The following RBM6 variants were observed in gnomAD, a reference collection of about 807,000 sequenced individuals.
RBM6 encodes the protein RNA binding motif protein 6, also known as RNA-binding protein 6.
RBM6 carries 23 observed loss-of-function variants against 140.4 expected under a neutral mutation model. The observed-to-expected ratio is 0.16, with a 90% CI of 0.12 to 0.23. The LOEUF (loss-of-function observed/expected upper bound fraction) is 0.23. Among genes scored for constraint, RBM6 ranks in the 10% least tolerant of loss-of-function variants. RBM6 has a pLI of 1.00. For missense variants in RBM6, 1,139 were observed against 1,386.7 expected (o/e 0.82, Z 2.84); for synonymous variants, 439 against 475.6 (o/e 0.92, Z 1.00).
intron 4 of RBM6, among the ~76,000 whole-genome samples, chr3:49,974,901 G>T (rs543481025): frequency 7.3e-5 from 11 of 151,234 alleles, no homozygotes; most frequent in African/African-American, 2.7e-4. Context: ...TAGCCAGGCT[G>T]GTCTCGAACT....
chr3:49,982,137 T>C (rs2108675317), intron 5 of RBM6, among the ~76,000 whole-genome samples: 1 of 152,262 alleles, frequency 6.6e-6, no homozygotes, highest in South Asian at 2.1e-4. Flanking sequence ...GGAAGGAAAA[T>C]TCTTCTTGGA....
At position 49,968,481 on chromosome 3, in the gene RBM6, G is replaced by A; in HGVS notation, c.1056G>A (p.Glu352=). 6.2e-7 allele frequency: 1 copy of A among 1,614,170 alleles called. No homozygotes were observed. The highest frequency in any genetic ancestry group is 1.7e-5 in the Admixed American group (1 of 60,010). ...CACAAGGTGTAGCCTTTGAACATGA[G>A]TCTCCAGCAGACTTTCAGAACAGCC... The part of the protein sequence containing the change: ...GETQGVAFEH[E]SPADFQNSQS... Residue 352 remains glutamate (E), a synonymous_variant, in exon 3 of 21, where the codon GAG becomes GAA. Coordinates refer to ENST00000266022, the MANE Select transcript of RBM6 (RefSeq NM_005777.3).
chr3:50,000,368 C>T (rs1262221495), intron 6 of RBM6, among the ~76,000 whole-genome samples: 5 of 144,496 alleles, frequency 3.5e-5, no homozygotes, highest in African/African-American at 7.9e-5. Flanking sequence ...TTTTAATGTA[C>T]CCACTGCCTA....
intron 5 of RBM6, among the ~76,000 whole-genome samples, chr3:49,996,986 T>A (rs1393546020): frequency 1.3e-5 from 2 of 152,148 alleles, no homozygotes; most frequent in African/African-American, 4.8e-5. Context: ...TAAAATCAGG[T>A]TAATAATATT....
chr3:50,010,831 A>C (rs2086807651), intron 6 of RBM6, among the ~76,000 whole-genome samples: 1 of 129,590 alleles, frequency 7.7e-6, no homozygotes, highest in Non-Finnish European at 1.6e-5. Context: ...TGAACTCAGG[A>C]GGCAGAGGTT....
At chr3:50,073,614 C>T (rs894244287) in intron 19 of RBM6, among the ~76,000 whole-genome samples, 4 of 152,184 alleles carry the variant, frequency 2.6e-5, no homozygotes, top group Non-Finnish European at 5.9e-5. Flanking sequence ...TCCACCTCCA[C>T]ACTGGACTCC....
chr3:50,013,288 C>G (rs960705135), intron 6 of RBM6, among the ~76,000 whole-genome samples: 8 of 152,012 alleles, frequency 5.3e-5, no homozygotes, highest in African/African-American at 1.9e-4. Flanking sequence ...TGGGCTTTGT[C>G]AGGTGCTGGG....
intron 7 of RBM6, among the ~76,000 whole-genome samples, chr3:50,052,348 A>C (rs2089504506): frequency 6.6e-6 from 1 of 152,226 alleles, no homozygotes; most frequent in African/African-American, 2.4e-5. Flanking sequence ...TACTGGCATG[A>C]GCCATCATGC....
chr3:49,970,659 G>A (rs1156921040), intron 3 of RBM6, among the ~76,000 whole-genome samples: 2 of 152,162 alleles, frequency 1.3e-5, no homozygotes, highest in Non-Finnish European at 2.9e-5. Context: ...ATTTAAGCAA[G>A]GAGGGTTATA....
intron 8 of RBM6, among the ~76,000 whole-genome samples, chr3:50,054,910 G>A (rs2089640262): frequency 6.6e-6 from 1 of 151,988 alleles, no homozygotes; most frequent in Non-Finnish European, 1.5e-5. Flanking sequence ...TGCAAGCTCC[G>A]CCTCCCAGGT....
chr3:49,958,365 C>A (rs532453095), intron 1 of RBM6, among the ~76,000 whole-genome samples: 1 of 151,784 alleles, frequency 6.6e-6, no homozygotes, highest in Non-Finnish European at 1.5e-5. Flanking sequence ...ACCATCCTGG[C>A]TAACATGGTG....
chr3:49,953,998 T>C (rs1165189021), intron 1 of RBM6, among the ~76,000 whole-genome samples: 1 of 151,838 alleles, frequency 6.6e-6, no homozygotes, highest in Non-Finnish European at 1.5e-5. Context: ...TAGCCGAGCA[T>C]GGTAGTGCAC....
At chr3:50,036,728 A>G (rs1312153364) in intron 6 of RBM6, among the ~76,000 whole-genome samples, 1 of 152,200 alleles carries the variant, frequency 6.6e-6, no homozygotes, top group Non-Finnish European at 1.5e-5. Flanking sequence ...AAAAAGGATT[A>G]GGGACCTAAC....
intron 6 of RBM6, among the ~76,000 whole-genome samples, chr3:50,026,887 A>G (rs1233647428): frequency 6.9e-6 from 1 of 144,142 alleles, no homozygotes; most frequent in Non-Finnish European, 1.5e-5. Context: ...TGACAGAGTG[A>G]GACCTTGTCT....
intron 6 of RBM6, among the ~76,000 whole-genome samples, chr3:50,037,751 A>G (rs966014162): frequency 6.6e-6 from 1 of 150,920 alleles, no homozygotes; most frequent in African/African-American, 2.4e-5. Flanking sequence ...CAGTTCTCCC[A>G]CCTTGACCTT....
At chr3:50,037,608 T>A (rs906796566) in intron 6 of RBM6, among the ~76,000 whole-genome samples, 5 of 152,114 alleles carry the variant, frequency 3.3e-5, no homozygotes, top group African/African-American at 1.2e-4. Context: ...TGGGAGGTGA[T>A]AGATAAAGGG....
At chr3:49,975,958 A>G (rs2085045497) in intron 5 of RBM6, among the ~76,000 whole-genome samples, 1 of 152,150 alleles carries the variant, frequency 6.6e-6, no homozygotes, top group South Asian at 2.1e-4. Context: ...ATATCCTCCT[A>G]GTTGTATTTC....
At chr3:49,995,059 T>C (rs1033404711) in intron 5 of RBM6, among the ~76,000 whole-genome samples, 2 of 152,220 alleles carry the variant, frequency 1.3e-5, no homozygotes, top group African/African-American at 4.8e-5. Flanking sequence ...GGGGCAGAGA[T>C]TGAAGAGTTA....
rs201821101 is a variant in RBM6, at chr3:50,054,506, A to AC, written c.1693+113dup. 1,159 of 958,696 alleles carry AC rather than the reference A, an allele frequency of 1.2e-3. 2 individuals are homozygous for AC. Among genetic ancestry groups the AC allele is most frequent in the Middle Eastern group, 3.4e-3 (15 of 4,474 alleles). The allele number at this position is 958,696 out of a possible 1,614,324, so 59.4% of individuals were successfully genotyped here. On this transcript the variant is annotated intron_variant, in intron 8 of 20. Transcript: ENST00000266022. ...TCCCTAAATCCAAGTTGATCTACAAACCTTTTTTTTTTTTTTTGAGATGGA... is the reference window on the plus strand; with the variant it reads ...TCCCTAAATCCAAGTTGATCTACAAACCCTTTTTTTTTTTTTTTGAGATGGA...
Sources: gnomAD v4.1 joint callset for allele counts (sites outside exome capture counted in the v4.1 genomes callset) on GRCh38, gnomAD v4.1.1 for gene constraint, MANE v1.5 for transcripts, NCBI Gene and HGNC (gene_info 2026-07-23, HGNC 2026-07-21) for gene names.